Variants in ZFYVE16 observed in about 807,000 individuals in gnomAD.
The protein encoded by ZFYVE16 is zinc finger FYVE domain-containing protein 16.
ZFYVE16 carries 89 observed loss-of-function variants against 138.1 expected under a neutral mutation model. The ratio of observed to expected loss-of-function variants is 0.64; its 90% CI spans 0.54 to 0.77. The LOEUF is 0.77. Among genes scored for constraint, ZFYVE16 ranks in the 30% least tolerant of loss-of-function variants. ZFYVE16 has a pLI of 0.00. For synonymous variants in ZFYVE16, 596 were observed against 618.3 expected (o/e 0.96, Z 0.53); for missense variants, 1,793 against 1,786.7 (o/e 1.00, Z -0.06).
chr5:80,428,117 C>T (rs904115216), intron 2 of ZFYVE16, among the ~76,000 whole-genome samples: 1 of 152,018 alleles, frequency 6.6e-6, no homozygotes, highest in Non-Finnish European at 1.5e-5. Context: ...AGCGGTTCTC[C>T]CAGCACGGAG....
In ZFYVE16 at chr5:80,448,040, G is replaced by T; in HGVS notation, c.2739G>T (p.Val913=). 1 of 1,604,560 alleles carries T rather than the reference G, an allele frequency of 6.2e-7. No homozygotes were observed. The highest frequency in any genetic ancestry group is 1.1e-5 in the South Asian group (1 of 89,078). Residue 913 remains valine, a synonymous_variant, in exon 8 of 19, where the codon GTG becomes GTT. Coordinates refer to ENST00000505560, the MANE Select transcript of ZFYVE16 (RefSeq NM_001284236.3). ...SPDVPMTVNT[V]DHSHSTTVEK... ...ATATTTTACAGACAGTAAACACAGT[G>T]GATCATTCCCATTCTACTACAGTGG...
In ZFYVE16 at chr5:80,449,650, A is replaced by G. The variant is rs249038; in HGVS notation, c.3163A>G (p.Ser1055Gly). Residue 1055 changes from serine (S) to glycine (G), a missense_variant, in exon 9 of 19, where the codon AGC becomes GGC. Physicochemically the swap from Ser to Gly is moderately conservative, Grantham distance 56. Transcript: ENST00000505560. ...GATCATTTTGCTTCTTGAAGGTGAA[A>G]GCTTTCATCCTGTTACATTTGTCCT... ...EQIILLLEGE[S>G]FHPVTFVLNA... The G allele has an allele frequency of 0.93, 1,491,660 of 1,609,120 alleles. 693,829 individuals are homozygous for G. Among genetic ancestry groups the G allele is most frequent in the Non-Finnish European group, 0.95 (1,114,066 of 1,178,100 alleles).
intron 5 of ZFYVE16, among the ~76,000 whole-genome samples, chr5:80,442,672 A>C (rs1750844757): frequency 6.6e-6 from 1 of 152,206 alleles, no homozygotes; most frequent in Non-Finnish European, 1.5e-5. Flanking sequence ...TGGAGGAGGT[A>C]AGGATGAATT....
chr5:80,444,700 G>A (rs1297758735), intron 6 of ZFYVE16, among the ~76,000 whole-genome samples: 2 of 151,708 alleles, frequency 1.3e-5, no homozygotes, highest in Non-Finnish European at 2.9e-5. Flanking sequence ...GTGATATTAA[G>A]ACATTTCAAG....
At chr5:80,440,592 T>C (rs991060280) in intron 5 of ZFYVE16, 2 of 985,290 alleles carry the variant, frequency 2.0e-6, no homozygotes, top group Non-Finnish European at 2.4e-6. Context: ...CTTCCCATTA[T>C]TTCTTTGGCT....
chr5:80,437,550 G>C lies in ZFYVE16; in HGVS notation c.865G>C (p.Ala289Pro), dbSNP rs1441653118. Residue 289 changes from alanine (A) to proline (P), a missense_variant, in exon 4 of 19, where the codon GCC becomes CCC. Around this residue, in one of 2 missense-constraint regions of ZFYVE16, gnomAD observed 1,295 missense variants for 1,204.3 expected, o/e 1.08. Transcript: ENST00000505560. ...KEEVDVAVIT[A>P]AECLKEEGKT... ...GGAAGTAGATGTGGCAGTCATAACT[G>C]CCGCAGAATGTTTAAAAGAAGAGGG... 4 of 1,614,040 alleles carry C rather than the reference G, an allele frequency of 2.5e-6. No homozygotes were observed. Among genetic ancestry groups the C allele is most frequent in the Non-Finnish European group, 3.4e-6 (4 of 1,179,982 alleles).
At chr5:80,445,622 A>G (rs1751243583) in intron 7 of ZFYVE16, among the ~76,000 whole-genome samples, 1 of 148,456 alleles carries the variant, frequency 6.7e-6, no homozygotes. Context: ...GTGCAGTGGC[A>G]TAATTACCAG....
At chr5:80,423,040 G>T (rs1747467478) in intron 1 of ZFYVE16, among the ~76,000 whole-genome samples, 1 of 152,100 alleles carries the variant, frequency 6.6e-6, no homozygotes, top group Non-Finnish European at 1.5e-5. Context: ...TGGTCTTATA[G>T]TATAAGTTAG....
rs1561315412 is a variant in ZFYVE16, at chr5:80,459,365, CAT to C, written c.3944-47_3944-46del. ...CATTCTGCATTTAACAAATGTGTAA[CAT>C]AAAAATGAGCAGTTTAAAACAAATA... On this transcript the variant is annotated intron_variant, in intron 14 of 18. Coordinates refer to ENST00000505560, the MANE Select transcript of ZFYVE16 (RefSeq NM_001284236.3). 3 of 1,521,628 alleles carry C rather than the reference CAT, an allele frequency of 2.0e-6. No homozygotes were observed. In the South Asian group the frequency reaches 3.5e-5, roughly 18 times the overall value. 94.3% of individuals were successfully genotyped at this position (1,521,628 alleles called of 1,614,324 possible).
intron 11 of ZFYVE16, chr5:80,455,450 C>T: frequency 2.5e-6 from 1 of 406,774 alleles, no homozygotes; most frequent in Non-Finnish European, 4.4e-6. Flanking sequence ...AGGAGAATTA[C>T]TTGAACCCAG....
intron 3 of ZFYVE16, 117 bp from the exon 4 acceptor site, chr5:80,436,639 G>T: frequency 1.1e-6 from 1 of 912,610 alleles, no homozygotes; most frequent in Non-Finnish European, 1.6e-6. Context: ...TTTGCAAAAG[G>T]ATAATCTATG....
chr5:80,456,656 ACTAT>A (rs1260838104), intron 13 of ZFYVE16, 91 bp downstream of exon 13: 32 of 1,102,248 alleles, frequency 2.9e-5, no homozygotes, highest in East Asian at 2.8e-4. Flanking sequence ...TTTGAATTAG[ACTAT>A]CTAATGTATT....
intron 15 of ZFYVE16, among the ~76,000 whole-genome samples, chr5:80,466,189 G>C (rs1753736420): frequency 6.6e-6 from 1 of 152,066 alleles, no homozygotes; most frequent in Admixed American, 6.6e-5. Flanking sequence ...ACCTCCCAAA[G>C]TGCTGGGGTT....
At position 80,443,143 on chromosome 5, in the gene ZFYVE16, A is replaced by C. The variant is rs1750905487; in HGVS notation, c.2440A>C (p.Met814Leu). 6.4e-7 allele frequency: 1 copy of C among 1,561,766 alleles called. No homozygotes were observed. Among genetic ancestry groups the C allele is most frequent in the Non-Finnish European group, 8.6e-7 (1 of 1,164,836 alleles). Reference sequence around the variant, plus strand: ...TATAGCTCAGGCATTTGAAAGGATGATGAGTCCAACTGGTTCTAATCTTAA... The same window carrying C: ...TATAGCTCAGGCATTTGAAAGGATGCTGAGTCCAACTGGTTCTAATCTTAA... ...ISKAQAFERM[M>L]SPTGSNLKSN... The change falls in exon 6 of 19, where the codon ATG (methionine) becomes CTG (leucine). Residue 814 changes from methionine (M) to leucine (L), a missense_variant. By Grantham distance (15) the Met-to-Leu change is conservative. This residue lies in a region of ZFYVE16 where 1,295 missense variants were observed against 1,204.3 expected (regional missense o/e 1.08). Coordinates refer to ENST00000505560, the MANE Select transcript of ZFYVE16 (RefSeq NM_001284236.3).
intron 15 of ZFYVE16, among the ~76,000 whole-genome samples, chr5:80,461,633 T>C (rs901644604): frequency 6.6e-6 from 1 of 152,182 alleles, no homozygotes; most frequent in African/African-American, 2.4e-5. Context: ...GCCTTTTCTC[T>C]GTGTGACTCT....
chr5:80,438,212 T>C lies in ZFYVE16; in HGVS notation c.1527T>C (p.Asp509=). The C allele has an allele frequency of 6.2e-7, 1 of 1,614,024 alleles. No homozygotes were observed. Among genetic ancestry groups the C allele is most frequent in the South Asian group, 1.1e-5 (1 of 91,074 alleles). Residue 509 remains aspartate (D), a synonymous_variant, in exon 4 of 19, where the codon GAT becomes GAC. Transcript: ENST00000505560. ...FINTFSSNDM[D]GQDLDYFNID... is the part of the protein sequence containing the mutation. ...ATACTTTTTCAAGCAATGATATGGATGGGCAAGACTTAGATTACTTTAATA... is the reference window on the plus strand; with the variant it reads ...ATACTTTTTCAAGCAATGATATGGACGGGCAAGACTTAGATTACTTTAATA...
At chr5:80,456,042 G>A (rs536054197) in intron 12 of ZFYVE16, 13 of 397,822 alleles carry the variant, frequency 3.3e-5, no homozygotes, top group African/African-American at 2.6e-4. Flanking sequence ...TTTAGGTAAT[G>A]TAAGAACTCT....
At position 80,438,271 on chromosome 5, in the gene ZFYVE16, G is replaced by T; in HGVS notation, c.1586G>T (p.Ser529Ile). ...GGCGCAAAAAGTGGCCCACTAATTAGTGATGCTGAACTTGATGCCTTTCTG... is the reference window on the plus strand; with the variant it reads ...GGCGCAAAAAGTGGCCCACTAATTATTGATGCTGAACTTGATGCCTTTCTG... ...DEGAKSGPLI[S>I]DAELDAFLTE... The change falls in exon 4 of 19, where the codon AGT (serine) becomes ATT (isoleucine). Residue 529 changes from serine to isoleucine, a missense_variant. Transcript: ENST00000505560. The T allele has an allele frequency of 6.2e-7, 1 of 1,614,066 alleles. No individual in the cohort carries two copies. Among genetic ancestry groups the T allele is most frequent in the Non-Finnish European group, 8.5e-7 (1 of 1,179,976 alleles).
rs386404254 is a variant in ZFYVE16, at chr5:80,427,971, C to CAAAAAAAAAA, written c.-40+442_-40+451dup. Among the ~76,000 whole-genome samples the CAAAAAAAAAA allele has an allele frequency of 1.7e-4, 8 of 48,092 alleles. 1 individual carries two copies. The highest frequency in any genetic ancestry group is 7.7e-4 in the East Asian group (1 of 1,304). 31.6% of individuals were successfully genotyped at this position (48,092 alleles called of 152,430 possible). ...TGCGTGACAGAGCGAGACTCCATCT[C>CAAAAAAAAAA]AAAAAAAAAAAAAAAAAAAAAAAAA... On this transcript the variant is annotated intron_variant, in intron 2 of 18. Transcript: ENST00000505560.
Sources: gnomAD v4.1 joint callset for allele counts (sites outside exome capture counted in the v4.1 genomes callset) on GRCh38, gnomAD v4.1.1 for gene constraint, gnomAD v4.1.1 regional missense constraint, MANE v1.5 for transcripts, NCBI Gene and HGNC (gene_info 2026-07-23, HGNC 2026-07-21) for gene names.